Variants in KCNMA1 observed in about 807,000 individuals in gnomAD.
KCNMA1 encodes the protein potassium calcium-activated channel subfamily M alpha 1.
In KCNMA1, 29 loss-of-function variants were observed where a neutral mutation model predicts 140.0. The ratio of observed to expected loss-of-function variants is 0.21; its 90% confidence interval spans 0.15 to 0.28. The LOEUF (loss-of-function observed/expected upper bound fraction) is 0.28. Ranked by LOEUF, KCNMA1 falls within the 10% of genes least tolerant of loss-of-function variation. The pLI is 1.00. For synonymous variants in KCNMA1, 612 were observed against 611.9 expected, an observed-to-expected ratio of 1.00 and a Z score of 0.00; for missense variants, 880 against 1,602.2, an observed-to-expected ratio of 0.55 and a Z score of 7.70.
chr10:77,179,808 C>T (rs1290588779), intron 5 of KCNMA1, among the ~76,000 whole-genome samples: 1 of 152,170 alleles, frequency 6.6e-6, no homozygotes, highest in East Asian at 1.9e-4. Context: ...AGTCCTGCCT[C>T]ATAGGTTTGC....
At chr10:77,314,923 AACACACACACACACACACACACAC>A (rs3998084) in intron 2 of KCNMA1, among the ~76,000 whole-genome samples, 25 of 146,358 alleles carry the variant, frequency 1.7e-4, no homozygotes, top group African/African-American at 5.8e-4. Context: ...CCACACCCCC[AACACACACACACACACACACACAC>A]ACACACACAC....
chr10:77,293,144 G>A (rs1372758385), intron 2 of KCNMA1, among the ~76,000 whole-genome samples: 1 of 152,184 alleles, frequency 6.6e-6, no homozygotes, highest in African/African-American at 2.4e-5. Flanking sequence ...TGAGCAATGG[G>A]GGATGTGTCA....
chr10:77,274,711 C>T (rs1041174949), intron 2 of KCNMA1, among the ~76,000 whole-genome samples: 3 of 152,140 alleles, frequency 2.0e-5, no homozygotes, highest in African/African-American at 7.2e-5. Flanking sequence ...ATTTGTCATC[C>T]CAGAGACACA....
chr10:77,018,600 T>C (rs1435933610), intron 17 of KCNMA1, among the ~76,000 whole-genome samples: 1 of 152,150 alleles, frequency 6.6e-6, no homozygotes, highest in African/African-American at 2.4e-5. Context: ...CCCAACCTTT[T>C]GAAATTCTAT....
chr10:77,407,807 C>T (rs764044197), intron 1 of KCNMA1, among the ~76,000 whole-genome samples: 2 of 152,178 alleles, frequency 1.3e-5, no homozygotes, highest in Admixed American at 6.5e-5. Flanking sequence ...ATGAAGCACC[C>T]GCTGATGGGG....
At chr10:77,617,741 G>A (rs1379512474) in intron 1 of KCNMA1, among the ~76,000 whole-genome samples, 4 of 152,196 alleles carry the variant, frequency 2.6e-5, no homozygotes, top group African/African-American at 9.7e-5. Context: ...ATCATAGGCT[G>A]ATTTAGAGGA....
chr10:77,510,670 C>T (rs189062167), intron 1 of KCNMA1, among the ~76,000 whole-genome samples: 9 of 152,062 alleles, frequency 5.9e-5, no homozygotes, highest in Non-Finnish European at 7.4e-5. Flanking sequence ...TGGGGGCACA[C>T]GCCTGTAGTC....
intron 3 of KCNMA1, among the ~76,000 whole-genome samples, chr10:77,212,295 T>G (rs1303179140): frequency 1.3e-5 from 2 of 152,170 alleles, no homozygotes; most frequent in Non-Finnish European, 2.9e-5. Flanking sequence ...AAGTCTTTTG[T>G]GGTAACGGGA....
chr10:77,217,607 A>C (rs2048226466), intron 3 of KCNMA1: 1 of 442,916 alleles, frequency 2.3e-6, no homozygotes, highest in Non-Finnish European at 4.6e-6. Flanking sequence ...AGACAGAACA[A>C]AGTGGAAAAT....
At chr10:77,610,105 C>T (rs373312761) in intron 1 of KCNMA1, among the ~76,000 whole-genome samples, 3 of 152,244 alleles carry the variant, frequency 2.0e-5, no homozygotes, top group Non-Finnish European at 2.9e-5. Context: ...CTGTGTGGCC[C>T]TCACTTTCTC....
chr10:77,278,279 C>T (rs1042220535), intron 2 of KCNMA1, among the ~76,000 whole-genome samples: 8 of 152,060 alleles, frequency 5.3e-5, no homozygotes, highest in African/African-American at 1.9e-4. Flanking sequence ...AATAAATGCC[C>T]AACAGATAGA....
At chr10:76,948,980 G>A (rs1460201202) in intron 22 of KCNMA1, 162 bp downstream of exon 22, 32 of 738,440 alleles carry the variant, frequency 4.3e-5, no homozygotes, top group Non-Finnish European at 6.3e-5. Context: ...CCCAGGGTTT[G>A]GATTTTCCTT....
chr10:76,889,383 A>T (rs144386820), intron 27 of KCNMA1, 68 bp downstream of exon 27: 6 of 1,036,294 alleles, frequency 5.8e-6, no homozygotes, highest in Non-Finnish European at 9.2e-6. Context: ...CCTTTACAGT[A>T]GGGGACAGGA....
intron 2 of KCNMA1, among the ~76,000 whole-genome samples, chr10:77,317,422 T>C (rs1045198509): frequency 1.3e-5 from 2 of 152,292 alleles, no homozygotes; most frequent in African/African-American, 4.8e-5. Flanking sequence ...AGGGAATTCA[T>C]TGAAGTGTTT....
chr10:77,587,634 G>C (rs900404780), intron 1 of KCNMA1: 19 of 902,088 alleles, frequency 2.1e-5, no homozygotes, highest in Non-Finnish European at 2.4e-5. Context: ...GCGGGCCCCT[G>C]AGTGTCCGGT....
At chr10:77,187,116 G>T (rs1472302111) in intron 3 of KCNMA1, among the ~76,000 whole-genome samples, 2 of 152,124 alleles carry the variant, frequency 1.3e-5, no homozygotes, top group African/African-American at 2.4e-5. Flanking sequence ...TAATCCCGTG[G>T]CCTCTGTGGT....
chr10:77,109,389 C>T (rs1341462817), intron 8 of KCNMA1, among the ~76,000 whole-genome samples: 1 of 120,138 alleles, frequency 8.3e-6, no homozygotes, highest in Non-Finnish European at 1.7e-5. Flanking sequence ...ATTTTAATCA[C>T]TCGCTTCATA....
rs1478529383 is a variant in KCNMA1 at position 77,108,981 on chromosome 10, A to C, written c.1132-409T>G. ...GAGAAGATCTTCCTTTGTCATTAAA[A>C]TTCAGAGGAGAATCAATGCTTTTAT... On this transcript the variant is annotated intron_variant, in intron 8 of 27. Coordinates refer to ENST00000286628, the MANE Select transcript of KCNMA1 (RefSeq NM_001161352.2). The surrounding 1 kb of genome is among the most constrained non-coding windows in gnomAD (Gnocchi z 4.6). 2.0e-5 allele frequency among the ~76,000 whole-genome samples: 3 copies of C among 152,170 alleles called. No individual in the cohort carries two copies. Among genetic ancestry groups the C allele is most frequent in the Non-Finnish European group, 4.4e-5 (3 of 68,026 alleles).
intron 1 of KCNMA1, among the ~76,000 whole-genome samples, chr10:77,471,862 A>T (rs1333978142): frequency 6.6e-6 from 1 of 151,854 alleles, no homozygotes; most frequent in East Asian, 1.9e-4. Flanking sequence ...CTATACACAC[A>T]TCACACATAT....
Sources: gnomAD v4.1 joint callset for allele counts (sites outside exome capture counted in the v4.1 genomes callset) on GRCh38, gnomAD v4.1.1 for gene constraint, Gnocchi (gnomAD v3.1) non-coding constraint, MANE v1.5 for transcripts, NCBI Gene and HGNC (gene_info 2026-07-23, HGNC 2026-07-21) for gene names.